RPH3AL: variants seen among roughly 807,000 people sequenced by gnomAD.
RPH3AL encodes rabphilin 3A like (without C2 domains).
RPH3AL carries 38 observed loss-of-function variants against 43.1 expected under a neutral mutation model. The ratio of observed to expected loss-of-function variants is 0.88; its 90% CI spans 0.68 to 1.15. RPH3AL has a LOEUF of 1.15. Ranked by LOEUF, RPH3AL falls within the 50% of genes most tolerant of loss-of-function variation. The pLI is 0.00. For synonymous variants in RPH3AL, 189 were observed against 176.3 expected, an observed-to-expected ratio of 1.07 and a Z score of -0.57; for missense variants, 462 against 423.2, an observed-to-expected ratio of 1.09 and a Z score of -0.81.
intron 2 of RPH3AL, chr17:331,076 A>AACGAGGGAG (rs2044745079): frequency 7.2e-6 from 1 of 139,600 alleles, no homozygotes; most frequent in Admixed American, 7.0e-5. Flanking sequence ...GAGGGAGGCA[A>AACGAGGGAG]GCGAGGGAGG....
chr17:275,077 A>C (rs1375335495), intron 6 of RPH3AL, among the ~76,000 whole-genome samples: 2 of 152,124 alleles, frequency 1.3e-5, no homozygotes, highest in African/African-American at 4.8e-5. Flanking sequence ...TAATACAGGC[A>C]CTCTGGAAAA....
In RPH3AL at chr17:215,433, A is replaced by G. The variant is rs2040773244; in HGVS notation, c.876+221T>C. ...ATGGTAACCACTGCTGTGATTACCG[A>G]GAGTGGCTAGGGATGGCTACCATTA... On this transcript the variant is annotated intron_variant, in intron 9 of 9. Transcript: ENST00000331302. The surrounding 1 kb of genome is among the most constrained non-coding windows in gnomAD (Gnocchi z 4.1). Among the ~76,000 whole-genome samples the G allele has an allele frequency of 2.6e-5, 4 of 152,208 alleles. No individual in the cohort carries two copies. The highest frequency in any genetic ancestry group is 9.6e-5 in the African/African-American group (4 of 41,452).
chr17:267,753 G>A (rs1453017303), intron 6 of RPH3AL, among the ~76,000 whole-genome samples: 2 of 152,106 alleles, frequency 1.3e-5, no homozygotes, highest in African/African-American at 2.4e-5. Flanking sequence ...CCCTGACCAC[G>A]TTTAGCTCTT....
intron 6 of RPH3AL, among the ~76,000 whole-genome samples, chr17:262,258 A>G (rs1167223705): frequency 3.3e-5 from 5 of 151,956 alleles, no homozygotes; most frequent in East Asian, 3.9e-4. Context: ...TCGCTCTGTC[A>G]CCCAGGCTGG....
Position 255,860 on chromosome 17 carries a change from C to T in RPH3AL, c.439-8575G>A, listed in dbSNP as rs200396799. Among the ~76,000 whole-genome samples, 243 of 39,298 alleles carry T rather than the reference C, an allele frequency of 6.2e-3. 1 individual carries two copies. Among genetic ancestry groups the T allele is most frequent in the East Asian group, 0.023 (28 of 1,216 alleles). The allele number at this position is 39,298 out of a possible 152,430, so 25.8% of individuals were successfully genotyped here. A position where few individuals can be genotyped will look rare whatever the true frequency, so the allele number is the denominator to read the frequency against. ...ACTTCCTATGAGGGGAGCCGCACGG[C>T]GTCTGTCCTGTTCCGTCCCTAGGAA... is the stretch of plus-strand genomic sequence containing the variant. On this transcript the variant is annotated intron_variant, in intron 6 of 9. Transcript: ENST00000331302.
intron 5 of RPH3AL, among the ~76,000 whole-genome samples, chr17:315,595 T>TCCATTGACCTGTAGTCCCTGTGCC (rs2044001603): frequency 3.4e-4 from 21 of 61,734 alleles, no homozygotes; most frequent in African/African-American, 8.0e-4. Context: ...GTCCCTGTGC[T>TCCATTGACCTGTAGTCCCTGTGCC]CCACCTCCAC....
chr17:319,048 G>T (rs569653295), intron 5 of RPH3AL, among the ~76,000 whole-genome samples: 4 of 152,356 alleles, frequency 2.6e-5, no homozygotes, highest in African/African-American at 9.6e-5. Flanking sequence ...TCATAGCATG[G>T]TGAGGTACAT....
intron 7 of RPH3AL, among the ~76,000 whole-genome samples, chr17:229,087 C>T (rs1046312664): frequency 2.0e-5 from 3 of 152,234 alleles, no homozygotes; most frequent in African/African-American, 2.4e-5. Context: ...ATCTAATCCA[C>T]CCCCTCCAGG....
intron 5 of RPH3AL, among the ~76,000 whole-genome samples, chr17:302,805 C>G (rs1366811028): frequency 3.3e-5 from 5 of 152,184 alleles, no homozygotes; most frequent in Admixed American, 2.0e-4. Flanking sequence ...TTTTTGATAT[C>G]TTATTAAGTG....
intron 7 of RPH3AL, among the ~76,000 whole-genome samples, chr17:232,898 T>G: frequency 6.9e-6 from 1 of 144,256 alleles, no homozygotes; most frequent in Non-Finnish European, 1.5e-5. Context: ...TGGCTTCTAT[T>G]AGCTTTACAT....
At chr17:334,915 C>T (rs1048641085) in intron 1 of RPH3AL, among the ~76,000 whole-genome samples, 1 of 152,194 alleles carries the variant, frequency 6.6e-6, no homozygotes, top group African/African-American at 2.4e-5. Flanking sequence ...CCAGCAAGTG[C>T]GGCTCCTCCT....
At chr17:314,195 G>A (rs77319062) in intron 5 of RPH3AL, among the ~76,000 whole-genome samples, 8 of 152,076 alleles carry the variant, frequency 5.3e-5, no homozygotes, top group Admixed American at 6.5e-5. Flanking sequence ...CAGGGGAAGT[G>A]GGCCAGGATC....
chr17:313,732 C>T (rs1338702568), intron 5 of RPH3AL, among the ~76,000 whole-genome samples: 1 of 152,166 alleles, frequency 6.6e-6, no homozygotes, highest in African/African-American at 2.4e-5. Flanking sequence ...TTCACGGCGT[C>T]GGCAGGACCC....
Position 246,803 on chromosome 17 carries a change from C to T in RPH3AL, c.613+308G>A, listed in dbSNP as rs2151544402. On this transcript the variant is annotated intron_variant, in intron 7 of 9. Transcript: ENST00000331302. The surrounding 1 kb of genome is among the most constrained non-coding windows in gnomAD (Gnocchi z 4.8). ...CTTTGCAAAATACCTTAATTGACGTCCCATTTCTGTGAAGATGCGTAGTGC... is the reference window on the plus strand; with the variant it reads ...CTTTGCAAAATACCTTAATTGACGTTCCATTTCTGTGAAGATGCGTAGTGC... Among the ~76,000 whole-genome samples the T allele has an allele frequency of 6.6e-6, 1 of 152,342 alleles. No homozygotes were observed. Among genetic ancestry groups the T allele is most frequent in the Admixed American group, 6.5e-5 (1 of 15,302 alleles).
At chr17:224,244 TC>T (rs879766425) in intron 7 of RPH3AL, among the ~76,000 whole-genome samples, 4,434 of 152,216 alleles carry the variant, frequency 0.029, 109 homozygotes, top group Non-Finnish European at 0.045. Flanking sequence ...AGCTTCACCC[TC>T]TTTAAAGGTT....
At chr17:321,754 G>A in intron 3 of RPH3AL, 1 of 277,082 alleles carries the variant, frequency 3.6e-6, no homozygotes, top group Non-Finnish European at 6.8e-6. Context: ...AGGCACGCGG[G>A]CAACAGAGAC....
At chr17:231,354 C>T (rs1243950868) in intron 7 of RPH3AL, among the ~76,000 whole-genome samples, 1 of 152,192 alleles carries the variant, frequency 6.6e-6, no homozygotes, top group African/African-American at 2.4e-5. Context: ...AGCCCAGGAG[C>T]AACCAAGGTA....
chr17:241,545 A>T (rs1483429060), intron 7 of RPH3AL, among the ~76,000 whole-genome samples: 1 of 152,148 alleles, frequency 6.6e-6, no homozygotes, highest in African/African-American at 2.4e-5. Flanking sequence ...GATGCTCCTG[A>T]TACTCTTTTA....
At chr17:334,439 A>C (rs4991960) in intron 1 of RPH3AL, among the ~76,000 whole-genome samples, 23 of 150,502 alleles carry the variant, frequency 1.5e-4, no homozygotes, top group South Asian at 2.1e-4. Context: ...CCACCCCAGC[A>C]AGTGCAGCTC....
Sources: gnomAD v4.1 joint callset for allele counts (sites outside exome capture counted in the v4.1 genomes callset) on GRCh38, gnomAD v4.1.1 for gene constraint, Gnocchi (gnomAD v3.1) non-coding constraint, MANE v1.5 for transcripts, NCBI Gene and HGNC (gene_info 2026-07-23, HGNC 2026-07-21) for gene names.